XRN1: variants seen among roughly 807,000 people sequenced by gnomAD.
The protein encoded by XRN1 is 5'-3' exoribonuclease 1, also known as strand-exchange protein 1 homolog.
A neutral mutation model predicts 222.3 loss-of-function variants in XRN1; 67 were observed. The ratio of observed to expected loss-of-function variants is 0.30; its 90% CI spans 0.25 to 0.37. XRN1 has a LOEUF of 0.37. Ranked by LOEUF, XRN1 falls within the 10% of genes least tolerant of loss-of-function variation. The probability of loss-of-function intolerance (pLI) is 1.00; values close to 1 mark genes in which losing one functional copy is unlikely to be tolerated. For missense variants in XRN1, 1,707 were observed against 2,000.2 expected (o/e 0.85, Z 2.80); for synonymous variants, 643 against 652.4 (o/e 0.99, Z 0.22).
intron 22 of XRN1, among the ~76,000 whole-genome samples, chr3:142,382,272 A>G (rs2067330438): frequency 2.0e-5 from 3 of 152,122 alleles, no homozygotes. Context: ...TGATTCTTAC[A>G]TGATTCAATC....
At chr3:142,419,669 T>G (rs975521624) in intron 10 of XRN1, among the ~76,000 whole-genome samples, 1 of 152,024 alleles carries the variant, frequency 6.6e-6, no homozygotes, top group African/African-American at 2.4e-5. Flanking sequence ...ATTAGCTGGG[T>G]GGTGGCGCGC....
chr3:142,334,030 AACC>A (rs1577238296), intron 34 of XRN1, among the ~76,000 whole-genome samples: 1 of 152,174 alleles, frequency 6.6e-6, no homozygotes, highest in East Asian at 1.9e-4. Flanking sequence ...CAACTATGAA[AACC>A]ACAACAGTGG....
chr3:142,441,942 A>G (rs1014624527), intron 1 of XRN1, among the ~76,000 whole-genome samples: 1 of 152,232 alleles, frequency 6.6e-6, no homozygotes, highest in Non-Finnish European at 1.5e-5. Flanking sequence ...TCATATACAT[A>G]CAATGAATTC....
At chr3:142,383,793 C>T (rs76007531) in intron 21 of XRN1, among the ~76,000 whole-genome samples, 1,627 of 152,212 alleles carry the variant, frequency 0.011, 26 homozygotes, top group African/African-American at 0.038. Context: ...CCCCAAATTA[C>T]AGGATCGCTA....
chr3:142,321,801 T>C (rs1385593061), intron 37 of XRN1, among the ~76,000 whole-genome samples: 3 of 152,346 alleles, frequency 2.0e-5, no homozygotes, highest in Admixed American at 6.5e-5. Flanking sequence ...AAAATACAAC[T>C]GATTTTTGTC....
At chr3:142,333,560 T>C (rs1391117459) in intron 34 of XRN1, among the ~76,000 whole-genome samples, 2 of 152,306 alleles carry the variant, frequency 1.3e-5, no homozygotes, top group East Asian at 3.9e-4. Flanking sequence ...TTTCCTGCAA[T>C]TATGAATATA....
chr3:142,328,190 G>A (rs539234257), intron 37 of XRN1, among the ~76,000 whole-genome samples: 75 of 152,206 alleles, frequency 4.9e-4, no homozygotes, highest in African/African-American at 1.7e-3. Flanking sequence ...ACCCAGTAGT[G>A]TGACTGCTGG....
At chr3:142,343,206 A>G (rs1479168610) in intron 33 of XRN1, among the ~76,000 whole-genome samples, 5 of 152,204 alleles carry the variant, frequency 3.3e-5, no homozygotes, top group Non-Finnish European at 5.9e-5. Flanking sequence ...CTGTAATCCC[A>G]GCACTTTGGG....
Position 142,418,618 on chromosome 3 carries a change from A to G in XRN1, c.1241-9T>C. ...CTCATCTTCTAAATTATCTGGGGAA[A>G]AAAGTCAGAAAGATAGTGACTGACA... is the stretch of plus-strand genomic sequence containing the variant. On this transcript the variant is annotated splice_polypyrimidine_tract_variant and intron_variant, in intron 11 of 40. Transcript: ENST00000392981. The G allele has an allele frequency of 6.3e-7, 1 of 1,578,100 alleles. No homozygotes were observed. Among genetic ancestry groups the G allele is most frequent in the Non-Finnish European group, 8.6e-7 (1 of 1,161,698 alleles).
intron 29 of XRN1, among the ~76,000 whole-genome samples, chr3:142,361,770 C>G (rs1334158979): frequency 6.6e-6 from 1 of 151,858 alleles, no homozygotes; most frequent in Non-Finnish European, 1.5e-5. Flanking sequence ...CTATTTTGAT[C>G]ATTTTAAAAA....
rs2065027350 is a variant in XRN1 at position 142,309,157 on chromosome 3, C to A, written c.*2354G>T. 6.6e-6 allele frequency: 1 copy of A among 152,088 alleles called. No individual in the cohort carries two copies. The highest frequency in any genetic ancestry group is 2.4e-5 in the African/African-American group (1 of 41,394). 9.4% of individuals were successfully genotyped at this position (152,088 alleles called of 1,614,324 possible). On this transcript the variant is annotated 3_prime_UTR_variant, in exon 41 of 41. Coordinates refer to ENST00000392981, the MANE Select transcript of XRN1 (RefSeq NM_001282857.2). ...TATCCAGCCATTATGGAGCTCTCTC[C>A]TATCTTAATCTCTTCTCAGTTTTGA...
intron 33 of XRN1, among the ~76,000 whole-genome samples, chr3:142,337,490 C>T (rs769307199): frequency 2.0e-4 from 31 of 151,984 alleles, no homozygotes; most frequent in African/African-American, 1.7e-4. Context: ...AATAAATAAA[C>T]GAATAACAAA....
At chr3:142,366,682 G>GT (rs1347299393) in intron 27 of XRN1, among the ~76,000 whole-genome samples, 1 of 152,114 alleles carries the variant, frequency 6.6e-6, no homozygotes, top group African/African-American at 2.4e-5. Flanking sequence ...TAATGACAAA[G>GT]TATCTATGCC....
intron 13 of XRN1, among the ~76,000 whole-genome samples, chr3:142,414,741 C>T (rs1296396643): frequency 6.6e-6 from 1 of 152,128 alleles, no homozygotes; most frequent in Non-Finnish European, 1.5e-5. Context: ...GTGATCCGCC[C>T]GCCTCGGCCT....
rs1422381088 is a variant in XRN1, at chr3:142,422,696, T to A, written c.853A>T (p.Met285Leu). The change falls in exon 8 of 41, where the codon ATG becomes TTG. Residue 285 changes from methionine to leucine, a missense_variant. Physicochemically the swap from Met to Leu is conservative, Grantham distance 15. Around this residue, in one of 2 missense-constraint regions of XRN1, gnomAD observed 1,234 missense variants for 1,518.2 expected, o/e 0.81. Transcript: ENST00000392981. ...IERIIDDWIL[M>L]GFLVGNDFIP... ...AAATCATTACCAACAAGAAACCCCA[T>A]CAAAATCCAATCATCTATTATCCTT... 1 of 1,612,362 alleles carries A rather than the reference T, an allele frequency of 6.2e-7. No individual in the cohort carries two copies. Among genetic ancestry groups the A allele is most frequent in the Admixed American group, 1.7e-5 (1 of 59,978 alleles).
At chr3:142,386,945 T>C (rs774148179) in intron 20 of XRN1, among the ~76,000 whole-genome samples, 3 of 152,190 alleles carry the variant, frequency 2.0e-5, no homozygotes, top group East Asian at 3.9e-4. Context: ...AAGCTGAATG[T>C]AGGCATATGC....
In XRN1 at chr3:142,447,275, GT is replaced by G. The variant is rs375648062; in HGVS notation, c.75+594del. 5.3e-5 allele frequency among the ~76,000 whole-genome samples: 8 copies of G among 152,302 alleles called. No homozygotes were observed. Among genetic ancestry groups the G allele is most frequent in the Admixed American group, 1.3e-4 (2 of 15,290 alleles). The stretch of plus-strand genomic sequence containing the variant: ...GCCCCACTCCCCAGCTGGCCCAAGA[GT>G]TTTTTGTTTTGGCAACAGGGGATTG... On this transcript the variant is annotated intron_variant, in intron 1 of 40. Coordinates refer to ENST00000392981, the MANE Select transcript of XRN1 (RefSeq NM_001282857.2). The surrounding 1 kb of genome is among the most constrained non-coding windows in gnomAD (Gnocchi z 4.2).
intron 32 of XRN1, among the ~76,000 whole-genome samples, chr3:142,351,401 C>T (rs1242159601): frequency 6.6e-6 from 1 of 152,064 alleles, no homozygotes; most frequent in Non-Finnish European, 1.5e-5. Context: ...TGGGTCAATT[C>T]AGATGGAAAC....
intron 15 of XRN1, among the ~76,000 whole-genome samples, chr3:142,411,821 A>C (rs1010309080): frequency 4.6e-5 from 7 of 151,316 alleles, no homozygotes; most frequent in Admixed American, 2.0e-4. Flanking sequence ...ACTTACTGAA[A>C]ATTTTTTTTT....
Sources: allele counts gnomAD v4.1 joint callset (sites outside exome capture counted in the v4.1 genomes callset), GRCh38; gene constraint gnomAD v4.1.1; regional missense constraint gnomAD v4.1.1; non-coding constraint Gnocchi (gnomAD v3.1); transcripts MANE v1.5; gene names NCBI Gene and HGNC (gene_info 2026-07-23, HGNC 2026-07-21).